The following CSF1R variants were observed in gnomAD, a reference collection of about 807,000 sequenced individuals.
The protein encoded by CSF1R is macrophage colony-stimulating factor 1 receptor.
CSF1R carries 40 observed loss-of-function variants against 110.0 expected under a neutral mutation model. The observed-to-expected ratio is 0.36, with a 90% CI of 0.28 to 0.47. CSF1R has a LOEUF of 0.47. CSF1R is among the 20% of genes least tolerant of loss of function. CSF1R has a pLI of 0.99. For synonymous variants in CSF1R, 523 were observed against 503.4 expected (o/e 1.04, Z -0.52); for missense variants, 1,052 against 1,253.0 (o/e 0.84, Z 2.42).
rs547653185 is a variant in CSF1R, at chr5:150,054,060, G to C, written c.*9C>G. ...GGAGGGGAGAGTGGTACTCCCTGTC[G>C]TCAACTCCTCAGCAGAACTGATAGT... On this transcript the variant is annotated 3_prime_UTR_variant, in exon 21 of 21. Transcript: ENST00000675795. The C allele has an allele frequency of 3.8e-5, 61 of 1,613,794 alleles. No individual in the cohort carries two copies. The South Asian group carries it at 6.0e-4, about 16-fold the overall frequency.
chr5:150,076,726 A>G (rs1412019601), intron 5 of CSF1R, among the ~76,000 whole-genome samples: 1 of 152,028 alleles, frequency 6.6e-6, no homozygotes, highest in African/African-American at 2.4e-5. Context: ...GTTCCAAATG[A>G]TCTATGTTCT....
chr5:150,061,363 C>T (rs1757512606), intron 12 of CSF1R, 128 bp downstream of exon 12: 1 of 812,922 alleles, frequency 1.2e-6, no homozygotes, highest in East Asian at 2.6e-5. Flanking sequence ...CAAGTCCTCA[C>T]CCCTGAGCTC....
chr5:150,059,691 A>C lies in CSF1R; in HGVS notation c.2132+9T>G, dbSNP rs771828963. The C allele has an allele frequency of 6.2e-6, 10 of 1,612,442 alleles. No homozygotes were observed. Among genetic ancestry groups the C allele is most frequent in the Non-Finnish European group, 8.5e-6 (10 of 1,178,622 alleles). ...CCTGGCCTTTTTCTTGTCCTTTGCC[A>C]GGGGCTACCTGCGGACATATTTCTT... On this transcript the variant is annotated intron_variant, in intron 14 of 20. Coordinates refer to ENST00000675795, the MANE Select transcript of CSF1R (RefSeq NM_001288705.3).
intron 10 of CSF1R, among the ~76,000 whole-genome samples, chr5:150,064,721 G>T (rs552202662): frequency 6.1e-4 from 93 of 152,280 alleles, no homozygotes; most frequent in African/African-American, 2.2e-3. Flanking sequence ...GCCCCCAGCT[G>T]GGCAGGGGGC....
intron 1 of CSF1R, chr5:150,094,393 A>C: frequency 6.3e-7 from 1 of 1,599,630 alleles, no homozygotes; most frequent in Non-Finnish European, 8.5e-7. Context: ...CTGAAGATGA[A>C]GCGCCTGAGA....
chr5:150,100,769 G>C (rs1026521844), intron 1 of CSF1R, among the ~76,000 whole-genome samples: 1 of 151,770 alleles, frequency 6.6e-6, no homozygotes, highest in Non-Finnish European at 1.5e-5. Context: ...AGTGTACTAA[G>C]ATACATAGCA....
chr5:150,070,757 C>T (rs192267199), intron 6 of CSF1R, among the ~76,000 whole-genome samples, 186 bp from the exon 7 acceptor site: 3 of 152,356 alleles, frequency 2.0e-5, no homozygotes, highest in African/African-American at 4.8e-5. Context: ...CCACCAATCC[C>T]ATTTCCTTAG....
intron 1 of CSF1R, among the ~76,000 whole-genome samples, chr5:150,109,577 T>C (rs1453925517): frequency 6.6e-6 from 1 of 152,236 alleles, no homozygotes; most frequent in Non-Finnish European, 1.5e-5. Flanking sequence ...ATGACTTTTC[T>C]CAATAAACCA....
chr5:150,101,999 G>A (rs751855170), intron 1 of CSF1R, among the ~76,000 whole-genome samples: 4 of 152,058 alleles, frequency 2.6e-5, no homozygotes, highest in Non-Finnish European at 5.9e-5. Context: ...GTATCTCATC[G>A]TATGGATGTA....
In CSF1R at chr5:150,104,217, G is replaced by A. The variant is rs1759483043; in HGVS notation, c.-181+9044C>T. Among the ~76,000 whole-genome samples the A allele has an allele frequency of 3.3e-5, 5 of 152,220 alleles. No individual in the cohort carries two copies. In the South Asian group the frequency reaches 1.0e-3, roughly 31 times the overall value. On this transcript the variant is annotated intron_variant, in intron 1 of 21. Coordinates refer to the CSF1R transcript ENST00000286301. ...CTCACCAAGTCCCTGACCCAGGCTG[G>A]CAGAGACCCCTCTCTGGTGGAACAT...
intron 1 of CSF1R, among the ~76,000 whole-genome samples, chr5:150,098,193 GA>G (rs916479053): frequency 4.0e-5 from 6 of 151,370 alleles, no homozygotes; most frequent in African/African-American, 1.2e-4. Flanking sequence ...CATGCAAAAA[GA>G]AAAAAATAAA....
At chr5:150,085,095 A>G (rs1758778034) in intron 1 of CSF1R, among the ~76,000 whole-genome samples, 1 of 152,032 alleles carries the variant, frequency 6.6e-6, no homozygotes, top group Non-Finnish European at 1.5e-5. Context: ...CTTGGCCAAC[A>G]TGGTGAAATC....
At position 150,053,989 on chromosome 5, in the gene CSF1R, A is replaced by G. The variant is rs770784654; in HGVS notation, c.*80T>C. 9.9e-5 allele frequency: 139 copies of G among 1,402,380 alleles called. No individual in the cohort carries two copies. The highest frequency in any genetic ancestry group is 1.3e-4 in the Non-Finnish European group (128 of 1,008,242). The allele number at this position is 1,402,380 out of a possible 1,614,324, so 86.9% of individuals were successfully genotyped here. Reference sequence around the variant, plus strand: ...TGAAATGACCGAAGGCAGAGTTTGTATGTTCTCCCCGTGTCGCCCCATCCA... The same window carrying G: ...TGAAATGACCGAAGGCAGAGTTTGTGTGTTCTCCCCGTGTCGCCCCATCCA... On this transcript the variant is annotated 3_prime_UTR_variant, in exon 21 of 21. Transcript: ENST00000675795.
intron 1 of CSF1R, among the ~76,000 whole-genome samples, chr5:150,105,384 ATTTT>A (rs35556562): frequency 0.02 from 1,721 of 84,126 alleles, 56 homozygotes; most frequent in African/African-American, 0.074. Flanking sequence ...ATATATATAT[ATTTT>A]TTTTTTTTTA....
intron 5 of CSF1R, chr5:150,077,066 G>C (rs1263022937): frequency 3.0e-6 from 2 of 658,380 alleles, no homozygotes; most frequent in East Asian, 5.6e-5. Context: ...GCCATGCACT[G>C]TAAGAGCTCC....
intron 1 of CSF1R, among the ~76,000 whole-genome samples, chr5:150,095,250 A>G (rs947009505): frequency 1.1e-4 from 16 of 152,188 alleles, no homozygotes; most frequent in Non-Finnish European, 1.6e-4. Context: ...GCAAATCAGC[A>G]AGGTTATAGA....
intron 10 of CSF1R, among the ~76,000 whole-genome samples, chr5:150,065,335 A>G (rs1757714600): frequency 6.6e-6 from 1 of 152,092 alleles, no homozygotes; most frequent in Non-Finnish European, 1.5e-5. Context: ...CCAGAATCGT[A>G]GTCTTTCCAG....
rs1369244827 is a variant in CSF1R, at chr5:150,080,883, C to G, written c.191G>C (p.Gly64Ala). ...GTTGGTGCTGAGGATGCTGCTGGAG[C>G]CATCAGAGTACAGGGTCCAGTGAGG... ...PSPHWTLYSD[G>A]SSSILSTNNA... is the part of the protein sequence containing the mutation. The change falls in exon 2 of 21, where the codon GGC (glycine) becomes GCC (alanine). Residue 64 changes from glycine to alanine, a missense_variant. By Grantham distance (60) the Gly-to-Ala change is moderately conservative. Around this residue, in one of 5 missense-constraint regions of CSF1R, gnomAD observed 693 missense variants for 735.4 expected, o/e 0.94. Transcript: ENST00000675795. The G allele has an allele frequency of 6.2e-7, 1 of 1,614,044 alleles. No homozygotes were observed. Among genetic ancestry groups the G allele is most frequent in the Non-Finnish European group, 8.5e-7 (1 of 1,180,028 alleles).
At chr5:150,108,124 G>C (rs1381921627) in intron 1 of CSF1R, among the ~76,000 whole-genome samples, 1 of 152,218 alleles carries the variant, frequency 6.6e-6, no homozygotes. Flanking sequence ...AAACAGCACA[G>C]TAAAGGCCTG....
Sources: gnomAD v4.1 joint callset for allele counts (sites outside exome capture counted in the v4.1 genomes callset) on GRCh38, gnomAD v4.1.1 for gene constraint, gnomAD v4.1.1 regional missense constraint, MANE v1.5 for transcripts, NCBI Gene and HGNC (gene_info 2026-07-23, HGNC 2026-07-21) for gene names.